PALM2AKAP2: variants seen among roughly 807,000 people sequenced by gnomAD.
PALM2AKAP2 encodes the protein PALM2-AKAP2 fusion protein.
PALM2AKAP2 carries 37 observed loss-of-function variants against 71.5 expected under a neutral mutation model. The observed-to-expected ratio is 0.52, with a 90% CI of 0.40 to 0.68. PALM2AKAP2 has a LOEUF of 0.68. PALM2AKAP2 is among the 30% of genes least tolerant of loss of function. The probability of loss-of-function intolerance (pLI) is 0.00; values close to 1 mark genes in which losing one functional copy is unlikely to be tolerated. For synonymous variants in PALM2AKAP2, 468 were observed against 478.8 expected (o/e 0.98, Z 0.29); for missense variants, 1,224 against 1,191.8 (o/e 1.03, Z -0.40).
intron 3 of PALM2AKAP2, among the ~76,000 whole-genome samples, chr9:109,898,889 G>A (rs145316283): frequency 2.0e-5 from 3 of 152,278 alleles, no homozygotes; most frequent in South Asian, 4.2e-4. Flanking sequence ...GAGCAGCAAC[G>A]GAAGCTGCTG....
At chr9:109,786,212 C>T (rs572293514) in intron 1 of PALM2AKAP2, among the ~76,000 whole-genome samples, 1 of 152,352 alleles carries the variant, frequency 6.6e-6, no homozygotes, top group African/African-American at 2.4e-5. Flanking sequence ...AGGCCACCAC[C>T]CTGCTTTTGG....
rs528210075 is a variant in PALM2AKAP2, at chr9:109,924,916, A to G, written c.373-145A>G. 2.3e-4 allele frequency: 268 copies of G among 1,167,130 alleles called. 2 individuals are homozygous for G. The South Asian group carries it at 4.0e-3, about 18-fold the overall frequency. The allele number at this position is 1,167,130 out of a possible 1,614,324, so 72.3% of individuals were successfully genotyped here. A position where few individuals can be genotyped will look rare whatever the true frequency, so the allele number is the denominator to read the frequency against. On this transcript the variant is annotated intron_variant, in intron 4 of 9. Coordinates refer to the PALM2AKAP2 transcript ENST00000302798. ...GAATTCTAAATAAATTGTCCAGAAGAAAAGAGATCGTTGCGTTTCCCCAGC... is the reference window on the plus strand; with the variant it reads ...GAATTCTAAATAAATTGTCCAGAAGGAAAGAGATCGTTGCGTTTCCCCAGC...
At chr9:109,744,388 AT>A (rs948384108) in intron 1 of PALM2AKAP2, among the ~76,000 whole-genome samples, 10 of 152,280 alleles carry the variant, frequency 6.6e-5, no homozygotes, top group East Asian at 1.9e-4. Flanking sequence ...ATGAATAACA[AT>A]TTTTTTATGA....
intron 1 of PALM2AKAP2, among the ~76,000 whole-genome samples, chr9:109,783,208 C>T (rs1826865453): frequency 6.6e-6 from 1 of 152,126 alleles, no homozygotes; most frequent in Non-Finnish European, 1.5e-5. Context: ...AAGCACCTGG[C>T]AGGTAGCTGT....
intron 6 of PALM2AKAP2, among the ~76,000 whole-genome samples, chr9:110,005,949 G>T (rs1832772256): frequency 6.6e-6 from 1 of 152,108 alleles, no homozygotes; most frequent in African/African-American, 2.4e-5. Context: ...CTAGGAAAGG[G>T]AATTCCCTGA....
At chr9:109,890,257 T>C (rs1179928175) in intron 3 of PALM2AKAP2, among the ~76,000 whole-genome samples, 1 of 152,228 alleles carries the variant, frequency 6.6e-6, no homozygotes, top group Non-Finnish European at 1.5e-5. Context: ...GGAGCCAAGA[T>C]GATCTCTTGA....
intron 1 of PALM2AKAP2, among the ~76,000 whole-genome samples, chr9:110,129,283 T>G (rs1835682907): frequency 6.6e-6 from 1 of 152,204 alleles, no homozygotes; most frequent in African/African-American, 2.4e-5. Context: ...GAGTCTCACA[T>G]CATCTGTAGA....
At chr9:109,708,617 C>T (rs1041903779) in intron 1 of PALM2AKAP2, among the ~76,000 whole-genome samples, 1 of 152,134 alleles carries the variant, frequency 6.6e-6, no homozygotes, top group African/African-American at 2.4e-5. Flanking sequence ...GAGGAACTTG[C>T]GAGGCTGTAC....
intron 7 of PALM2AKAP2, among the ~76,000 whole-genome samples, chr9:110,026,225 G>A (rs562272969): frequency 4.6e-5 from 7 of 152,116 alleles, no homozygotes; most frequent in Admixed American, 2.0e-4. Flanking sequence ...GACTATAGGC[G>A]TGCAGCACCA....
intron 7 of PALM2AKAP2, among the ~76,000 whole-genome samples, chr9:110,031,616 C>A (rs925417884): frequency 1.3e-5 from 2 of 152,108 alleles, no homozygotes; most frequent in African/African-American, 4.8e-5. Context: ...TAGGATATCT[C>A]CAGTTTACAG....
rs78332537 is a variant in PALM2AKAP2, at chr9:110,134,149, G to C, written c.157-1978G>C. ...AAATTTTAAAAATTAGCCAGGCATG[G>C]TAATGCCCACCTGTAGTCCTAAGGG... On this transcript the variant is annotated intron_variant, in intron 1 of 3. Transcript: ENST00000374525. Among the ~76,000 whole-genome samples the C allele has an allele frequency of 3.3e-5, 5 of 151,930 alleles. No homozygotes were observed. The East Asian group carries it at 9.7e-4, about 29-fold the overall frequency.
At chr9:109,726,712 A>G (rs959400640) in intron 1 of PALM2AKAP2, among the ~76,000 whole-genome samples, 1 of 152,222 alleles carries the variant, frequency 6.6e-6, no homozygotes, top group Non-Finnish European at 1.5e-5. Flanking sequence ...ACAAGTGTAT[A>G]GGTTAAATCA....
chr9:109,909,154 G>A (rs552876696), intron 3 of PALM2AKAP2, among the ~76,000 whole-genome samples: 8 of 149,870 alleles, frequency 5.3e-5, no homozygotes, highest in South Asian at 2.2e-4. Context: ...CATTACACAC[G>A]CGCGCACGCA....
intron 1 of PALM2AKAP2, among the ~76,000 whole-genome samples, chr9:110,060,916 G>A (rs1833953038): frequency 6.6e-6 from 1 of 152,156 alleles, no homozygotes; most frequent in South Asian, 2.1e-4. Flanking sequence ...AAGCTTACAA[G>A]TTAAGCTACT....
intron 1 of PALM2AKAP2, among the ~76,000 whole-genome samples, chr9:109,841,413 G>GC (rs1404804881): frequency 3.5e-5 from 5 of 144,906 alleles, no homozygotes; most frequent in Admixed American, 2.1e-4. Flanking sequence ...TATACCTAAT[G>GC]TAAATGATGA....
chr9:110,159,702 T>C (rs949139515), intron 3 of PALM2AKAP2, among the ~76,000 whole-genome samples: 23 of 152,168 alleles, frequency 1.5e-4, no homozygotes, highest in Non-Finnish European at 2.8e-4. Flanking sequence ...GAAAAACTGA[T>C]CTTTGCCATC....
At chr9:110,062,044 G>T (rs1588085440) in intron 1 of PALM2AKAP2, among the ~76,000 whole-genome samples, 1 of 152,042 alleles carries the variant, frequency 6.6e-6, no homozygotes, top group Non-Finnish European at 1.5e-5. Flanking sequence ...ATGGTTGGGG[G>T]TATAAATCTC....
chr9:109,990,165 G>A (rs564327198), intron 6 of PALM2AKAP2, among the ~76,000 whole-genome samples: 2 of 150,238 alleles, frequency 1.3e-5, no homozygotes, highest in East Asian at 3.9e-4. Flanking sequence ...TCTGCTTCCT[G>A]GGTTCAAGTG....
chr9:109,744,533 C>T (rs188328958), intron 1 of PALM2AKAP2, among the ~76,000 whole-genome samples: 9 of 152,172 alleles, frequency 5.9e-5, no homozygotes, highest in South Asian at 2.1e-4. Context: ...CCCTGCTAGA[C>T]GTGACTATTT....
Sources: gnomAD v4.1 joint callset for allele counts (sites outside exome capture counted in the v4.1 genomes callset) on GRCh38, gnomAD v4.1.1 for gene constraint, MANE v1.5 for transcripts, NCBI Gene and HGNC (gene_info 2026-07-23, HGNC 2026-07-21) for gene names.